The following RPS14 variants were observed in gnomAD, a reference collection of about 807,000 sequenced individuals.
RPS14 encodes the protein ribosomal protein S14.
In RPS14, 1 loss-of-function variant was observed where a neutral mutation model predicts 15.4. That is an observed-to-expected ratio of 0.07 (90% CI 0.02 to 0.31). RPS14 has a LOEUF of 0.31. RPS14 is among the 10% of genes least tolerant of loss of function. The probability of loss-of-function intolerance (pLI) is 1.00; values close to 1 mark genes in which losing one functional copy is unlikely to be tolerated. For missense variants in RPS14, 69 were observed against 205.5 expected (o/e 0.34, Z 4.06); for synonymous variants, 68 against 74.4 (o/e 0.91, Z 0.44).
rs1261473275 is a variant in RPS14 at position 150,445,599 on chromosome 5, G to C, written c.388+10C>G. On this transcript the variant is annotated intron_variant, in intron 4 of 4. Transcript: ENST00000407193. Reference sequence around the variant, plus strand: ...ATAAACCCAAGCATTAGCTAGAGGGGGGCACTTACCAATCCGCCCGATCTT... The same window carrying C: ...ATAAACCCAAGCATTAGCTAGAGGGCGGCACTTACCAATCCGCCCGATCTT... 3 of 1,612,850 alleles carry C rather than the reference G, an allele frequency of 1.9e-6. No homozygotes were observed. Among genetic ancestry groups the C allele is most frequent in the Non-Finnish European group, 2.5e-6 (3 of 1,179,162 alleles).
At chr5:150,449,543 A>C (rs1771209362) in intron 1 of RPS14, 160 bp downstream of exon 1, 1 of 152,144 alleles carries the variant, frequency 6.6e-6, no homozygotes, top group Admixed American at 6.5e-5. Flanking sequence ...CCAGGAACGA[A>C]CTCAATCCCG....
rs1291288706 is a variant in RPS14, at chr5:150,443,509, T to A, written c.*777A>T. 6.6e-6 allele frequency: 1 copy of A among 152,292 alleles called. No individual in the cohort carries two copies. The highest frequency in any genetic ancestry group is 2.4e-5 in the African/African-American group (1 of 41,460). The allele number at this position is 152,292 out of a possible 1,614,324, so 9.4% of individuals were successfully genotyped here. The stretch of plus-strand genomic sequence containing the variant: ...ATCCCAACAGATTTTCCCCTCTTGC[T>A]GGTTTCTTTCCTCTACAACTGACTA... On this transcript the variant is annotated 3_prime_UTR_variant, in exon 5 of 5. Coordinates refer to ENST00000407193, the MANE Select transcript of RPS14 (RefSeq NM_005617.4).
intron 2 of RPS14, 140 bp from the exon 3 acceptor site, chr5:150,447,103 T>C: frequency 1.1e-6 from 1 of 874,766 alleles, no homozygotes. Context: ...TTCAGTCCAG[T>C]GGGGTTGAAT....
At chr5:150,444,744 C>T (rs1771038572) in intron 4 of RPS14, 4 of 434,982 alleles carry the variant, frequency 9.2e-6, no homozygotes, top group South Asian at 1.6e-5. Flanking sequence ...TAAGGCTGGG[C>T]GCGGTGGCTC....
Position 150,442,986 on chromosome 5 carries a change from CTG to C in RPS14, c.*1298_*1299del, listed in dbSNP as rs1413717367. The stretch of plus-strand genomic sequence containing the variant: ...GTGTTGGGATTATAGGCGTGAACCA[CTG>C]TGCCCTGCCTTTATCCTATTTCACT... On this transcript the variant is annotated 3_prime_UTR_variant, in exon 5 of 5. Transcript: ENST00000407193. 6.6e-6 allele frequency: 1 copy of C among 152,230 alleles called. No homozygotes were observed. Among genetic ancestry groups the C allele is most frequent in the Non-Finnish European group, 1.5e-5 (1 of 68,046 alleles). The allele number at this position is 152,230 out of a possible 1,614,324, so 9.4% of individuals were successfully genotyped here.
chr5:150,447,784 G>A (rs1160237605), intron 1 of RPS14, 49 bp from the exon 2 acceptor site: 2 of 1,589,970 alleles, frequency 1.3e-6, no homozygotes, highest in Non-Finnish European at 1.7e-6. Flanking sequence ...AACATTTCCA[G>A]AATCCCTTTC....
Position 150,443,430 on chromosome 5 carries a change from A to G in RPS14, c.*856T>C, listed in dbSNP as rs895902767. 1 of 152,192 alleles carries G rather than the reference A, an allele frequency of 6.6e-6. No homozygotes were observed. The highest frequency in any genetic ancestry group is 2.4e-5 in the African/African-American group (1 of 41,450). The allele number at this position is 152,192 out of a possible 1,614,324, so 9.4% of individuals were successfully genotyped here. ...ACAGTAACCCCTTGTCTCAGGACCCATTTATTTGCTTATTCCCTCTGCCTG... is the reference window on the plus strand; with the variant it reads ...ACAGTAACCCCTTGTCTCAGGACCCGTTTATTTGCTTATTCCCTCTGCCTG... On this transcript the variant is annotated 3_prime_UTR_variant, in exon 5 of 5. Transcript: ENST00000407193.
rs1771018458 is a variant in RPS14, at chr5:150,444,150, CTCCTT to C, written c.*131_*135del. 1.5e-6 allele frequency: 2 copies of C among 1,354,528 alleles called. No individual in the cohort carries two copies. Among genetic ancestry groups the C allele is most frequent in the Non-Finnish European group, 2.0e-6 (2 of 1,018,176 alleles). The allele number at this position is 1,354,528 out of a possible 1,614,324, so 83.9% of individuals were successfully genotyped here. Reference sequence around the variant, plus strand: ...CACCAGGATCTCAGCTCTCCTCAGGCTCCTTTCTCCCAAGAAGCCAAATAGGAGGA... The same window carrying C: ...CACCAGGATCTCAGCTCTCCTCAGGCTCTCCCAAGAAGCCAAATAGGAGGA... On this transcript the variant is annotated 3_prime_UTR_variant, in exon 5 of 5. Coordinates refer to ENST00000407193, the MANE Select transcript of RPS14 (RefSeq NM_005617.4).
At chr5:150,445,588 T>C in intron 4 of RPS14, 21 bp downstream of exon 4, 1 of 1,611,128 alleles carries the variant, frequency 6.2e-7, no homozygotes, top group Non-Finnish European at 8.5e-7. Context: ...ACCCAAGCAT[T>C]AGCTAGAGGG....
At position 150,445,600 on chromosome 5, in the gene RPS14, G is replaced by T. The variant is rs759867065; in HGVS notation, c.388+9C>A. On this transcript the variant is annotated intron_variant, in intron 4 of 4. Transcript: ENST00000407193. ...TAAACCCAAGCATTAGCTAGAGGGG[G>T]GCACTTACCAATCCGCCCGATCTTC... 13 of 1,612,736 alleles carry T rather than the reference G, an allele frequency of 8.1e-6. No individual in the cohort carries two copies. Among genetic ancestry groups the T allele is most frequent in the Non-Finnish European group, 1.0e-5 (12 of 1,179,234 alleles).
rs142930327 is a variant in RPS14 at position 150,446,830 on chromosome 5, T to C, written c.283A>G (p.Ile95Val). The change falls in exon 3 of 5, where the codon ATC (isoleucine) becomes GTC (valine). Residue 95 changes from isoleucine (I) to valine (V), a missense_variant. Ile to Val is a conservative substitution (Grantham distance 29, BLOSUM62 3). Coordinates refer to ENST00000407193, the MANE Select transcript of RPS14 (RefSeq NM_005617.4). The surrounding 1 kb of genome is among the most constrained non-coding windows in gnomAD (Gnocchi z 4.2). ...CKELGITALH[I>V]KLRATGGNRT... ...TTTCCTCCTGTGGCCCGGAGTTTGA[T>C]GTGTAGGGCGGTGATACCCAGCTCC... is the stretch of plus-strand genomic sequence containing the variant. 4 of 1,614,006 alleles carry C rather than the reference T, an allele frequency of 2.5e-6. No homozygotes were observed. In the African/African-American group the frequency reaches 4.0e-5, roughly 16 times the overall value.
rs1771075814 is a variant in RPS14, at chr5:150,445,744, T to C, written c.312-59A>G. On this transcript the variant is annotated intron_variant, in intron 3 of 4. Transcript: ENST00000407193. The stretch of plus-strand genomic sequence containing the variant: ...TTGGCCAAGTCAATGGAAGATCTCC[T>C]TTCTAAGATCCCAACACCCCGCTAG... 5.2e-6 allele frequency: 7 copies of C among 1,346,626 alleles called. No homozygotes were observed. In the South Asian group the frequency reaches 8.6e-5, roughly 16 times the overall value. The allele number at this position is 1,346,626 out of a possible 1,614,324, so 83.4% of individuals were successfully genotyped here.
rs910860093 is a variant in RPS14, at chr5:150,443,163, T to C, written c.*1123A>G. On this transcript the variant is annotated 3_prime_UTR_variant, in exon 5 of 5. Coordinates refer to ENST00000407193, the MANE Select transcript of RPS14 (RefSeq NM_005617.4). ...GTACTGTTATATTTTTTTTGCAAGC[T>C]TTTTTTTTTTATTATACTTTAAGTT... 1 of 78,074 alleles carries C rather than the reference T, an allele frequency of 1.3e-5. No homozygotes were observed. Among genetic ancestry groups the C allele is most frequent in the African/African-American group, 4.6e-5 (1 of 21,606 alleles). 4.8% of individuals were successfully genotyped at this position (78,074 alleles called of 1,614,324 possible). A position where few individuals can be genotyped will look rare whatever the true frequency, so the allele number is the denominator to read the frequency against.
At chr5:150,447,892 T>A (rs1043380157) in intron 1 of RPS14, 157 bp from the exon 2 acceptor site, 2 of 801,382 alleles carry the variant, frequency 2.5e-6, no homozygotes, top group Non-Finnish European at 3.9e-6. Context: ...CACTAAAACT[T>A]CTTTCTCCTT....
At chr5:150,445,379 G>C (rs1400479502) in intron 4 of RPS14, 23 of 676,482 alleles carry the variant, frequency 3.4e-5, no homozygotes, top group Non-Finnish European at 5.6e-5. Flanking sequence ...ACCTGCACCA[G>C]GCAGTGTAGG....
chr5:150,445,430 G>C, intron 4 of RPS14, 179 bp downstream of exon 4: 1 of 714,756 alleles, frequency 1.4e-6, no homozygotes, highest in Non-Finnish European at 2.6e-6. Context: ...ATATCAAGGT[G>C]ACAGAGATAT....
At chr5:150,445,392 A>C in intron 4 of RPS14, 3 of 694,872 alleles carry the variant, frequency 4.3e-6, no homozygotes, top group Non-Finnish European at 8.0e-6. Flanking sequence ...AGTGTAGGAC[A>C]GAGATTCACA....
chr5:150,448,188 C>T (rs1166650945), intron 1 of RPS14: 1 of 155,126 alleles, frequency 6.4e-6, no homozygotes, highest in Non-Finnish European at 1.4e-5. Flanking sequence ...CAACACAGCC[C>T]TCAAGCCTCT....
At chr5:150,447,404 T>A in intron 2 of RPS14, 181 bp downstream of exon 2, 7 of 655,746 alleles carry the variant, frequency 1.1e-5, no homozygotes, top group Non-Finnish European at 1.9e-5. Context: ...ACGAAGAATG[T>A]GTCTCCTCTC....
Sources: gnomAD v4.1 joint callset for allele counts on GRCh38, gnomAD v4.1.1 for gene constraint, Gnocchi (gnomAD v3.1) non-coding constraint, MANE v1.5 for transcripts, NCBI Gene and HGNC (gene_info 2026-07-23, HGNC 2026-07-21) for gene names.